Variants in KHDRBS2 observed in about 807,000 individuals in gnomAD.
KHDRBS2 encodes KH RNA binding domain containing, signal transduction associated 2, also known as KH domain-containing, RNA-binding, signal transduction-associated protein 2.
KHDRBS2 carries 26 observed loss-of-function variants against 44.3 expected under a neutral mutation model. The observed-to-expected ratio is 0.59, with a 90% CI of 0.43 to 0.81. KHDRBS2 has a LOEUF of 0.81. KHDRBS2 is among the 40% of genes least tolerant of loss of function. KHDRBS2 has a pLI of 0.00. For missense variants in KHDRBS2, 476 were observed against 433.1 expected, an observed-to-expected ratio of 1.10 and a Z score of -0.88; for synonymous variants, 194 against 151.1, an observed-to-expected ratio of 1.28 and a Z score of -2.08.
chr6:62,226,546 C>T (rs1831864292), intron 1 of KHDRBS2, among the ~76,000 whole-genome samples: 1 of 152,182 alleles, frequency 6.6e-6, no homozygotes, highest in Admixed American at 6.5e-5. Flanking sequence ...TAATTAGATC[C>T]TATTTGTCAA....
At chr6:61,835,218 A>T (rs552893445) in intron 6 of KHDRBS2, among the ~76,000 whole-genome samples, 1 of 152,212 alleles carries the variant, frequency 6.6e-6, no homozygotes, top group South Asian at 2.1e-4. Context: ...GATGGAGATG[A>T]CAACTTCAGA....
chr6:62,149,892 G>A (rs1814737617), intron 2 of KHDRBS2, among the ~76,000 whole-genome samples: 1 of 152,148 alleles, frequency 6.6e-6, no homozygotes, highest in Non-Finnish European at 1.5e-5. Context: ...CATTTAAAAT[G>A]TATTAGCAGT....
chr6:62,205,925 A>G (rs1273514368), intron 1 of KHDRBS2, among the ~76,000 whole-genome samples: 1 of 152,146 alleles, frequency 6.6e-6, no homozygotes, highest in East Asian at 1.9e-4. Flanking sequence ...AGCATCCAAG[A>G]AGTATGGCAA....
chr6:62,255,605 AACAC>A (rs60498757), intron 1 of KHDRBS2, among the ~76,000 whole-genome samples: 15,296 of 137,132 alleles, frequency 0.11, 954 homozygotes, highest in African/African-American at 0.14. Flanking sequence ...CATGCTTTAA[AACAC>A]ACACACACAC....
At chr6:61,616,895 T>C in the KHDRBS2 span, among the ~76,000 whole-genome samples, 1 of 152,212 alleles carries the variant, frequency 6.6e-6, no homozygotes, top group Non-Finnish European at 1.5e-5. Context: ...TTTGGAATAT[T>C]ATATTTGAAC....
At chr6:61,546,155 A>C in the KHDRBS2 span, among the ~76,000 whole-genome samples, 21 of 152,068 alleles carry the variant, frequency 1.4e-4, no homozygotes, top group African/African-American at 5.1e-4. Flanking sequence ...GAAGTTGCCA[A>C]TGACAAGTTT....
chr6:62,093,796 C>A (rs942552055), intron 2 of KHDRBS2, among the ~76,000 whole-genome samples: 12 of 151,402 alleles, frequency 7.9e-5, no homozygotes, highest in Non-Finnish European at 1.8e-4. Context: ...TCAGATTCCT[C>A]CATGTTGCTG....
intron 1 of KHDRBS2, among the ~76,000 whole-genome samples, chr6:62,210,537 G>A (rs1828867421): frequency 2.0e-5 from 3 of 151,830 alleles, no homozygotes; most frequent in South Asian, 2.1e-4. Flanking sequence ...CACCATGTTG[G>A]CCAGGCTGGT....
the KHDRBS2 span, among the ~76,000 whole-genome samples, chr6:61,579,147 C>T: frequency 6.6e-6 from 1 of 152,078 alleles, no homozygotes; most frequent in Non-Finnish European, 1.5e-5. Flanking sequence ...TGATAGAAAC[C>T]TCCCTCCTTT....
intron 1 of KHDRBS2, among the ~76,000 whole-genome samples, chr6:62,251,206 G>C (rs1316118278): frequency 2.6e-5 from 4 of 151,538 alleles, no homozygotes; most frequent in Non-Finnish European, 4.4e-5. Context: ...CAGAAAAGTA[G>C]CTTTCATATT....
intron 7 of KHDRBS2, among the ~76,000 whole-genome samples, chr6:61,724,918 C>A (rs1028787894): frequency 9.2e-5 from 14 of 152,122 alleles, no homozygotes; most frequent in African/African-American, 3.1e-4. Flanking sequence ...AGAAAATTAA[C>A]AAAGTTATTC....
At chr6:61,931,452 A>T (rs1482145454) in intron 4 of KHDRBS2, among the ~76,000 whole-genome samples, 1 of 152,060 alleles carries the variant, frequency 6.6e-6, no homozygotes, top group African/African-American at 2.4e-5. Flanking sequence ...ACATACACAC[A>T]TATATATGTG....
chr6:61,567,354 T>C, the KHDRBS2 span, among the ~76,000 whole-genome samples: 2 of 152,216 alleles, frequency 1.3e-5, no homozygotes, highest in African/African-American at 4.8e-5. Context: ...TAAGGCTGTC[T>C]TGGTCACAAA....
intron 3 of KHDRBS2, among the ~76,000 whole-genome samples, chr6:62,020,316 T>C (rs1487163479): frequency 6.6e-6 from 1 of 152,078 alleles, no homozygotes; most frequent in Non-Finnish European, 1.5e-5. Flanking sequence ...AATATCCTTT[T>C]AACACTTCCA....
At chr6:61,720,764 C>A (rs1242039500) in intron 7 of KHDRBS2, among the ~76,000 whole-genome samples, 4 of 151,780 alleles carry the variant, frequency 2.6e-5, no homozygotes, top group Non-Finnish European at 5.9e-5. Context: ...TTTTGCTGTG[C>A]AGAAGCTCTT....
At chr6:61,753,931 G>GA (rs1465154995) in intron 6 of KHDRBS2, among the ~76,000 whole-genome samples, 21 of 152,036 alleles carry the variant, frequency 1.4e-4, no homozygotes, top group Admixed American at 1.0e-3. Flanking sequence ...AAGACATGTG[G>GA]AAAAAAGATG....
At chr6:61,997,685 A>G (rs1430730001) in intron 3 of KHDRBS2, among the ~76,000 whole-genome samples, 1 of 152,164 alleles carries the variant, frequency 6.6e-6, no homozygotes, top group Non-Finnish European at 1.5e-5. Context: ...CTAATCCTCA[A>G]TAAAGCCCTT....
In KHDRBS2 at chr6:61,894,709, G is replaced by T; in HGVS notation, c.736C>A (p.Arg246=). The change falls in exon 6 of 9, where the codon CGA becomes AGA. Residue 246 remains arginine, a synonymous_variant. Transcript: ENST00000281156. ...GGCACTGTTGGTGCCCCCCGGGCTC[G>T]AGGGGTAGGGACACCTCTTGCTACA... The part of the protein sequence containing the change: ...PPVARGVPTP[R]ARGAPTVPGY... 1 of 1,613,476 alleles carries T rather than the reference G, an allele frequency of 6.2e-7. No individual in the cohort carries two copies. Among genetic ancestry groups the T allele is most frequent in the South Asian group, 1.1e-5 (1 of 90,974 alleles).
intron 6 of KHDRBS2, among the ~76,000 whole-genome samples, chr6:61,749,185 T>C (rs968025383): frequency 6.6e-6 from 1 of 151,752 alleles, no homozygotes; most frequent in Non-Finnish European, 1.5e-5. Context: ...GCTAATTTTT[T>C]TGTATTTTTA....
Sources: allele counts gnomAD v4.1 joint callset (sites outside exome capture counted in the v4.1 genomes callset), GRCh38; gene constraint gnomAD v4.1.1; transcripts MANE v1.5; gene names NCBI Gene and HGNC (gene_info 2026-07-23, HGNC 2026-07-21).